Variants in KIF13B observed in about 807,000 individuals in gnomAD.
KIF13B encodes kinesin family member 13B.
In KIF13B, 127 loss-of-function variants were observed where a neutral mutation model predicts 222.0. That is an observed-to-expected ratio of 0.57 (90% confidence interval 0.50 to 0.66). The LOEUF is 0.66. Among genes scored for constraint, KIF13B ranks in the 30% least tolerant of loss-of-function variants. The pLI is 0.00. For synonymous variants in KIF13B, 976 were observed against 919.0 expected, an observed-to-expected ratio of 1.06 and a Z score of -1.12; for missense variants, 2,173 against 2,379.0, an observed-to-expected ratio of 0.91 and a Z score of 1.80.
At chr8:29,180,347 T>C in intron 7 of KIF13B, 109 bp from the exon 8 acceptor site, 2 of 1,089,550 alleles carry the variant, frequency 1.8e-6, no homozygotes, top group Non-Finnish European at 2.8e-6. Context: ...GTCAACAACA[T>C]TTGGAGTTAA....
At chr8:29,160,113 G>T (rs564821428) in intron 13 of KIF13B, among the ~76,000 whole-genome samples, 2 of 152,358 alleles carry the variant, frequency 1.3e-5, no homozygotes, top group South Asian at 4.1e-4. Flanking sequence ...TCAGGGTTCA[G>T]ACTTATTCTG....
intron 36 of KIF13B, among the ~76,000 whole-genome samples, chr8:29,097,943 C>T (rs1563697383): frequency 6.8e-6 from 1 of 147,776 alleles, no homozygotes; most frequent in Non-Finnish European, 1.5e-5. Context: ...AGGCCAAGGC[C>T]GGCAGATCAC....
chr8:29,238,474 T>C (rs1404160786), intron 2 of KIF13B, among the ~76,000 whole-genome samples: 2 of 152,194 alleles, frequency 1.3e-5, no homozygotes, highest in Admixed American at 1.3e-4. Context: ...ACTGACTAAA[T>C]TGATGTCTAG....
intron 16 of KIF13B, 123 bp from the exon 17 acceptor site, chr8:29,147,725 T>C (rs1216695011): frequency 2.7e-6 from 2 of 735,120 alleles, no homozygotes; most frequent in Non-Finnish European, 4.4e-6. Flanking sequence ...TAAAGACAAT[T>C]TGGCATAAAC....
At chr8:29,118,487 T>TC (rs1367367427) in intron 30 of KIF13B, among the ~76,000 whole-genome samples, 2 of 151,956 alleles carry the variant, frequency 1.3e-5, no homozygotes, top group African/African-American at 2.4e-5. Context: ...AGAGCAAGAC[T>TC]CCATCTAAAA....
chr8:29,150,691 G>A (rs1468195478), intron 14 of KIF13B, among the ~76,000 whole-genome samples: 1 of 152,112 alleles, frequency 6.6e-6, no homozygotes, highest in Non-Finnish European at 1.5e-5. Flanking sequence ...AACAGCACGT[G>A]CTCACTTCAC....
chr8:29,096,107 G>A (rs1343383016), intron 36 of KIF13B, among the ~76,000 whole-genome samples: 2 of 151,328 alleles, frequency 1.3e-5, no homozygotes, highest in Non-Finnish European at 2.9e-5. Flanking sequence ...TCAGCCTCCG[G>A]AGGAGCTGGG....
chr8:29,239,133 C>T (rs1014310077), intron 2 of KIF13B, among the ~76,000 whole-genome samples: 1 of 152,106 alleles, frequency 6.6e-6, no homozygotes, highest in African/African-American at 2.4e-5. Flanking sequence ...TGCATACCCG[C>T]CCAGCCCCCC....
intron 11 of KIF13B, among the ~76,000 whole-genome samples, chr8:29,166,274 T>C (rs996634592): frequency 6.6e-6 from 1 of 152,112 alleles, no homozygotes; most frequent in African/African-American, 2.4e-5. Context: ...CAGGTAAAAA[T>C]ACGATCAAGA....
intron 28 of KIF13B, among the ~76,000 whole-genome samples, 186 bp from the exon 29 acceptor site, chr8:29,122,832 C>G (rs1056368266): frequency 6.6e-6 from 1 of 152,138 alleles, no homozygotes; most frequent in African/African-American, 2.4e-5. Context: ...TGCTTCATAC[C>G]CTGACATTTG....
In KIF13B at chr8:29,071,605, G is replaced by A; in HGVS notation, c.5218+15C>T. Reference sequence around the variant, plus strand: ...CCCCGGCACCACCCTGGAGCCCGGAGTGCCCGGTACCCACCTGAGGGCAGG... The same window carrying A: ...CCCCGGCACCACCCTGGAGCCCGGAATGCCCGGTACCCACCTGAGGGCAGG... On this transcript the variant is annotated intron_variant, in intron 39 of 39. Coordinates refer to ENST00000524189, the MANE Select transcript of KIF13B (RefSeq NM_015254.4). This position sits in a 1 kb window ranked among gnomAD's most constrained non-coding sequence, Gnocchi z 4.9. The A allele has an allele frequency of 1.3e-6, 2 of 1,545,452 alleles. No homozygotes were observed. The highest frequency in any genetic ancestry group is 1.2e-5 in the South Asian group (1 of 83,948).
chr8:29,258,999 A>G (rs1369608035), intron 1 of KIF13B, among the ~76,000 whole-genome samples: 1 of 152,108 alleles, frequency 6.6e-6, no homozygotes, highest in Non-Finnish European at 1.5e-5. Flanking sequence ...AGAACAATCA[A>G]TTTCACTTTT....
At chr8:29,257,999 A>C (rs1290338481) in intron 1 of KIF13B, among the ~76,000 whole-genome samples, 1 of 152,230 alleles carries the variant, frequency 6.6e-6, no homozygotes, top group Non-Finnish European at 1.5e-5. Context: ...TGTCTCATTC[A>C]CCATTAGCAT....
Position 29,176,126 on chromosome 8 carries a change from C to T in KIF13B, c.887G>A (p.Gly296Asp). The T allele has an allele frequency of 2.5e-6, 4 of 1,613,604 alleles. No individual in the cohort carries two copies. Among genetic ancestry groups the T allele is most frequent in the South Asian group, 1.1e-5 (1 of 91,008 alleles). ...TGGAACAAATTTATTCTTGTTTTTG[C>T]CAGCACTCTGATCTGCAAGAGCTGA... is the stretch of plus-strand genomic sequence containing the variant. The part of the protein sequence containing the change: ...VISALADQSA[G>D]KNKNKFVPYR... The change falls in exon 10 of 40, where the codon GGC (glycine) becomes GAC (aspartate). Residue 296 changes from glycine to aspartate, a missense_variant. Transcript: ENST00000524189.
chr8:29,245,959 G>A (rs1816001292), intron 1 of KIF13B, among the ~76,000 whole-genome samples: 1 of 152,108 alleles, frequency 6.6e-6, no homozygotes, highest in Non-Finnish European at 1.5e-5. Context: ...AAATACTTAG[G>A]AATAAATGTA....
rs1203198310 is a variant in KIF13B at position 29,070,230 on chromosome 8, A to G, written c.*274T>C. 3 of 522,744 alleles carry G rather than the reference A, an allele frequency of 5.7e-6. No individual in the cohort carries two copies. The highest frequency in any genetic ancestry group is 3.6e-5 in the Admixed American group (1 of 27,624). 32.4% of individuals were successfully genotyped at this position (522,744 alleles called of 1,614,324 possible). ...AAGATCACCAGGCGCTGCACCACCC[A>G]GGGTCTCAGTCCTAGCATCCCCCAG... On this transcript the variant is annotated 3_prime_UTR_variant, in exon 40 of 40. Coordinates refer to ENST00000524189, the MANE Select transcript of KIF13B (RefSeq NM_015254.4). This position sits in a 1 kb window ranked among gnomAD's most constrained non-coding sequence, Gnocchi z 4.1.
intron 1 of KIF13B, among the ~76,000 whole-genome samples, chr8:29,256,030 A>T (rs1816465555): frequency 6.6e-6 from 1 of 152,160 alleles, no homozygotes; most frequent in South Asian, 2.1e-4. Flanking sequence ...TTTCAGACTC[A>T]TATTCACAAT....
chr8:29,105,055 C>A (rs778758548), intron 35 of KIF13B, among the ~76,000 whole-genome samples: 28 of 152,094 alleles, frequency 1.8e-4, no homozygotes, highest in Non-Finnish European at 4.0e-4. Context: ...TGGCCTCAAA[C>A]TCCCGGGCTC....
intron 8 of KIF13B, 26 bp from the exon 9 acceptor site, chr8:29,177,604 A>C: frequency 2.1e-6 from 3 of 1,456,742 alleles, no homozygotes; most frequent in South Asian, 1.1e-5. Context: ...ATCAATACTA[A>C]TCAACAGGAA....
Sources: allele counts gnomAD v4.1 joint callset (sites outside exome capture counted in the v4.1 genomes callset), GRCh38; gene constraint gnomAD v4.1.1; non-coding constraint Gnocchi (gnomAD v3.1); transcripts MANE v1.5; gene names NCBI Gene and HGNC (gene_info 2026-07-23, HGNC 2026-07-21).